RAB3GAP2: variants seen among roughly 807,000 people sequenced by gnomAD.
RAB3GAP2 encodes the protein RAB3 GTPase activating non-catalytic protein subunit 2, also known as rab3 GTPase-activating protein non-catalytic subunit.
RAB3GAP2 carries 87 observed loss-of-function variants against 185.3 expected under a neutral mutation model. That is an observed-to-expected ratio of 0.47 (90% CI 0.39 to 0.56). The LOEUF (loss-of-function observed/expected upper bound fraction) is 0.56. RAB3GAP2 is among the 20% of genes least tolerant of loss of function. The probability of loss-of-function intolerance (pLI) is 0.00; values close to 1 mark genes in which losing one functional copy is unlikely to be tolerated. For synonymous variants in RAB3GAP2, 554 were observed against 576.1 expected, an observed-to-expected ratio of 0.96 and a Z score of 0.55; for missense variants, 1,492 against 1,638.2, an observed-to-expected ratio of 0.91 and a Z score of 1.54.
intron 1 of RAB3GAP2, among the ~76,000 whole-genome samples, chr1:220,234,118 G>C (rs1380667988): frequency 1.3e-5 from 2 of 152,164 alleles, no homozygotes; most frequent in Non-Finnish European, 2.9e-5. Flanking sequence ...ATAAAGGCAT[G>C]GAAAACATGA....
chr1:220,244,304 C>T (rs1218870452), intron 1 of RAB3GAP2, among the ~76,000 whole-genome samples: 1 of 152,118 alleles, frequency 6.6e-6, no homozygotes, highest in Non-Finnish European at 1.5e-5. Context: ...ATCACTTTTA[C>T]AACAGCCGCA....
rs201193402 is a variant in RAB3GAP2 at position 220,180,314 on chromosome 1, GAA to G, written c.2310+1941_2310+1942del. 4.1e-3 allele frequency among the ~76,000 whole-genome samples: 618 copies of G among 151,884 alleles called. 3 individuals are homozygous for G. The highest frequency in any genetic ancestry group is 0.014 in the African/African-American group (572 of 41,416). On this transcript the variant is annotated intron_variant, in intron 21 of 34. Coordinates refer to ENST00000358951, the MANE Select transcript of RAB3GAP2 (RefSeq NM_012414.4). Reference sequence around the variant, plus strand: ...TAATAAAGATCAAGCAGAAATAAATGAAATTGAGAATAAAAAAATTACACAAG... The same window carrying G: ...TAATAAAGATCAAGCAGAAATAAATGATTGAGAATAAAAAAATTACACAAG...
rs780043469 is a variant in RAB3GAP2, at chr1:220,171,882, CACTT to C, written c.2577+3_2577+6del. On this transcript the variant is annotated splice_donor_5th_base_variant and intron_variant, in intron 23 of 34. Transcript: ENST00000358951. The stretch of plus-strand genomic sequence containing the variant: ...TACAGATCAAAGCCATACCTTTACC[CACTT>C]ACTTTTTTCTCTGTCATGTTGTTTG... The C allele has an allele frequency of 6.2e-7, 1 of 1,614,136 alleles. No individual in the cohort carries two copies. Among genetic ancestry groups the C allele is most frequent in the South Asian group, 1.1e-5 (1 of 91,076 alleles).
At chr1:220,178,706 C>G (rs1026687737) in intron 21 of RAB3GAP2, among the ~76,000 whole-genome samples, 3 of 150,590 alleles carry the variant, frequency 2.0e-5, no homozygotes, top group African/African-American at 7.3e-5. Context: ...AATCACTTAA[C>G]TATAAAAAAA....
chr1:220,188,165 G>GA (rs1327172725), intron 17 of RAB3GAP2, among the ~76,000 whole-genome samples: 3 of 150,326 alleles, frequency 2.0e-5, no homozygotes, highest in African/African-American at 4.9e-5. Flanking sequence ...TAAGAGAAAA[G>GA]AAAAAACCTG....
intron 2 of RAB3GAP2, among the ~76,000 whole-genome samples, chr1:220,226,745 T>C (rs1659409928): frequency 1.3e-5 from 2 of 152,188 alleles, no homozygotes; most frequent in African/African-American, 4.8e-5. Flanking sequence ...CACTTGCCAA[T>C]GTACTGACTT....
intron 1 of RAB3GAP2, chr1:220,267,356 G>C: frequency 8.6e-7 from 1 of 1,161,540 alleles, no homozygotes; most frequent in Middle Eastern, 2.0e-4. Context: ...GGATGTTGGA[G>C]GTGGGACTGT....
intron 31 of RAB3GAP2, among the ~76,000 whole-genome samples, chr1:220,156,384 TC>T (rs2102851409): frequency 6.6e-6 from 1 of 152,314 alleles, no homozygotes; most frequent in South Asian, 2.1e-4. Flanking sequence ...GTTTGTCCTG[TC>T]TCTCAAAATT....
intron 1 of RAB3GAP2, chr1:220,266,053 G>C (rs1003433152): frequency 6.5e-6 from 1 of 152,762 alleles, no homozygotes. Context: ...CATTGGGAAA[G>C]GGTAGGGTTC....
intron 1 of RAB3GAP2, among the ~76,000 whole-genome samples, chr1:220,242,783 C>A (rs918688237): frequency 6.6e-6 from 1 of 152,140 alleles, no homozygotes; most frequent in Non-Finnish European, 1.5e-5. Context: ...AGGTAATCAT[C>A]TATTTTTCCA....
At chr1:220,222,546 ATAAAT>A (rs1659326985) in intron 2 of RAB3GAP2, among the ~76,000 whole-genome samples, 1 of 152,176 alleles carries the variant, frequency 6.6e-6, no homozygotes, top group African/African-American at 2.4e-5. Flanking sequence ...ATTCTCACAA[ATAAAT>A]TAATCACAAA....
At chr1:220,228,000 G>A (rs1336010888) in intron 2 of RAB3GAP2, among the ~76,000 whole-genome samples, 3 of 152,106 alleles carry the variant, frequency 2.0e-5, no homozygotes, top group East Asian at 1.9e-4. Flanking sequence ...TGATCTGACC[G>A]CCTCAGCCTT....
At position 220,150,220 on chromosome 1, in the gene RAB3GAP2, T is replaced by G. The variant is rs1657723396; in HGVS notation, c.*1031A>C. The G allele has an allele frequency of 6.6e-6, 1 of 151,760 alleles. No individual in the cohort carries two copies. The highest frequency in any genetic ancestry group is 1.5e-5 in the Non-Finnish European group (1 of 67,890). 9.4% of individuals were successfully genotyped at this position (151,760 alleles called of 1,614,324 possible). On this transcript the variant is annotated 3_prime_UTR_variant, in exon 35 of 35. Coordinates refer to ENST00000358951, the MANE Select transcript of RAB3GAP2 (RefSeq NM_012414.4). ...CCGAGTAGCTATAGTTTGGTTTTAA[T>G]CAGTAAATATTTATTTAGCACTTGG...
At position 220,172,875 on chromosome 1, in the gene RAB3GAP2, G is replaced by A. The variant is rs1419645789; in HGVS notation, c.2311-133C>T. Reference sequence around the variant, plus strand: ...GAGGTGAAAAAATTAGTGGTTGCTTGCTGTATCATGTAATCTGAGAGGGAA... The same window carrying A: ...GAGGTGAAAAAATTAGTGGTTGCTTACTGTATCATGTAATCTGAGAGGGAA... On this transcript the variant is annotated intron_variant, in intron 21 of 34. Coordinates refer to ENST00000358951, the MANE Select transcript of RAB3GAP2 (RefSeq NM_012414.4). 5 of 675,842 alleles carry A rather than the reference G, an allele frequency of 7.4e-6. No individual in the cohort carries two copies. In the East Asian group the frequency reaches 8.1e-5, roughly 11 times the overall value. 41.9% of individuals were successfully genotyped at this position (675,842 alleles called of 1,614,324 possible).
At chr1:220,182,471 T>G in intron 20 of RAB3GAP2, 117 bp from the exon 21 acceptor site, 40 of 1,331,770 alleles carry the variant, frequency 3.0e-5, no homozygotes, top group Non-Finnish European at 3.7e-5. Flanking sequence ...GGAAGAGAAA[T>G]TAATTGTTCA....
At chr1:220,197,043 A>G (rs1207662972) in intron 9 of RAB3GAP2, among the ~76,000 whole-genome samples, 2 of 150,634 alleles carry the variant, frequency 1.3e-5, no homozygotes, top group African/African-American at 4.9e-5. Context: ...CTGGAGTGCA[A>G]TGGTGCAATC....
intron 32 of RAB3GAP2, chr1:220,153,668 T>C (rs1322859516): frequency 2.6e-6 from 1 of 378,130 alleles, no homozygotes; most frequent in Non-Finnish European, 4.8e-6. Flanking sequence ...TTGTTACATA[T>C]GTATACATGT....
chr1:220,263,150 T>G (rs1660171454), intron 1 of RAB3GAP2, among the ~76,000 whole-genome samples: 1 of 152,062 alleles, frequency 6.6e-6, no homozygotes, highest in Non-Finnish European at 1.5e-5. Context: ...GGTTGATTTT[T>G]TGTTGTTGTT....
rs1228870743 is a variant in RAB3GAP2 at position 220,153,376 on chromosome 1, G to A, written c.3676C>T (p.Gln1226Ter). The change falls in exon 33 of 35, where the codon CAG becomes TAG. Residue 1226 changes from glutamine to a stop codon, truncating the protein, a stop_gained. Transcript: ENST00000358951. LOFTEE classifies it high-confidence loss of function. ...FLLKVVSAAV[Q>*]AQHSATKVKD... The stretch of plus-strand genomic sequence containing the variant: ...ACCTTTGTGGCTGAATGTTGGGCCT[G>A]GACAGCTGCACTGACAACTTTCAAT... The A allele has an allele frequency of 6.2e-7, 1 of 1,614,134 alleles. No homozygotes were observed. Among genetic ancestry groups the A allele is most frequent in the Non-Finnish European group, 8.5e-7 (1 of 1,180,004 alleles).
Sources: allele counts gnomAD v4.1 joint callset (sites outside exome capture counted in the v4.1 genomes callset), GRCh38; gene constraint gnomAD v4.1.1; transcripts MANE v1.5; gene names NCBI Gene and HGNC (gene_info 2026-07-23, HGNC 2026-07-21).